Variants in ATAD2 observed in about 807,000 individuals in gnomAD.
ATAD2 encodes the protein ATPase family AAA domain-containing protein 2.
ATAD2 carries 62 observed loss-of-function variants against 168.9 expected under a neutral mutation model. The ratio of observed to expected loss-of-function variants is 0.37; its 90% CI spans 0.30 to 0.45. ATAD2 has a LOEUF of 0.45. Ranked by LOEUF, ATAD2 falls within the 20% of genes least tolerant of loss-of-function variation. ATAD2 has a pLI of 1.00. For missense variants in ATAD2, 1,419 were observed against 1,667.8 expected, an observed-to-expected ratio of 0.85 and a Z score of 2.60; for synonymous variants, 613 against 571.6, an observed-to-expected ratio of 1.07 and a Z score of -1.03.
intron 15 of ATAD2, 63 bp from the exon 16 acceptor site, chr8:123,347,469 AT>A: frequency 7.1e-7 from 1 of 1,412,670 alleles, no homozygotes; most frequent in Non-Finnish European, 9.6e-7. Context: ...ACAAAACTCT[AT>A]TAGCATGACC....
At position 123,344,979 on chromosome 8, in the gene ATAD2, C is replaced by G; in HGVS notation, c.2623G>C (p.Ala875Pro). The change falls in exon 19 of 28, where the codon GCC (alanine) becomes CCC (proline). Residue 875 changes from alanine (A) to proline (P), a missense_variant. Coordinates refer to ENST00000287394, the MANE Select transcript of ATAD2 (RefSeq NM_014109.4). ...TTCTGTAATAATGTGGTAAATGTGG[C>G]TTTAAGTGTCGGTCCAACTATTTCC... is the stretch of plus-strand genomic sequence containing the variant. ...WWEIVGPTLKATFTTLLQNIP... is the reference protein window; with the variant it reads ...WWEIVGPTLKPTFTTLLQNIP... The G allele has an allele frequency of 6.2e-7, 1 of 1,613,986 alleles. No homozygotes were observed. The highest frequency in any genetic ancestry group is 8.5e-7 in the Non-Finnish European group (1 of 1,179,864).
intron 20 of ATAD2, among the ~76,000 whole-genome samples, chr8:123,338,544 G>GA (rs907909574): frequency 2.6e-5 from 4 of 151,962 alleles, no homozygotes; most frequent in Non-Finnish European, 5.9e-5. Flanking sequence ...TACTCAGGAT[G>GA]AAAAAAAGGA....
chr8:123,351,472 G>T (rs891897450), intron 13 of ATAD2, among the ~76,000 whole-genome samples: 1 of 151,552 alleles, frequency 6.6e-6, no homozygotes, highest in Non-Finnish European at 1.5e-5. Context: ...ATCATCCCTG[G>T]TTAAAAAACG....
At chr8:123,346,584 A>G (rs1726412677) in intron 17 of ATAD2, 34 bp downstream of exon 17, 2 of 1,483,842 alleles carry the variant, frequency 1.3e-6, no homozygotes, top group Non-Finnish European at 1.8e-6. Flanking sequence ...AAATTTACAC[A>G]TGCAAAAAAC....
intron 24 of ATAD2, among the ~76,000 whole-genome samples, chr8:123,332,639 T>G (rs1827804480): frequency 6.6e-6 from 1 of 152,218 alleles, no homozygotes; most frequent in African/African-American, 2.4e-5. Context: ...ATAATTCATA[T>G]CTTTCCATTC....
At chr8:123,379,351 A>C (rs1055990207) in intron 2 of ATAD2, among the ~76,000 whole-genome samples, 1 of 152,176 alleles carries the variant, frequency 6.6e-6, no homozygotes, top group Non-Finnish European at 1.5e-5. Flanking sequence ...TATAGCAAGC[A>C]ATCAGAAACA....
chr8:123,358,497 A>G (rs1284947403), intron 11 of ATAD2, among the ~76,000 whole-genome samples: 2 of 151,898 alleles, frequency 1.3e-5, no homozygotes. Flanking sequence ...GGTGCCCGCC[A>G]CCATGCCTGG....
intron 24 of ATAD2, among the ~76,000 whole-genome samples, chr8:123,328,967 A>G (rs1267589249): frequency 6.6e-6 from 1 of 151,866 alleles, no homozygotes; most frequent in Non-Finnish European, 1.5e-5. Flanking sequence ...ACGCCCAGCT[A>G]ATTTTTTGCA....
chr8:123,372,581 T>A (rs1829180113), intron 3 of ATAD2, 56 bp downstream of exon 3: 3 of 1,368,652 alleles, frequency 2.2e-6, no homozygotes, highest in Middle Eastern at 1.9e-4. Context: ...AAAAAACCTG[T>A]AAACAGAATA....
intron 8 of ATAD2, among the ~76,000 whole-genome samples, chr8:123,362,746 T>C (rs554958327): frequency 1.3e-5 from 2 of 152,074 alleles, no homozygotes; most frequent in African/African-American, 4.8e-5. Flanking sequence ...AAGAAGGACA[T>C]GAGATTTTAT....
At chr8:123,379,345 G>A (rs1829419784) in intron 2 of ATAD2, among the ~76,000 whole-genome samples, 1 of 152,066 alleles carries the variant, frequency 6.6e-6, no homozygotes, top group South Asian at 2.1e-4. Flanking sequence ...AAACTTTATA[G>A]CAAGCAATCA....
At position 123,416,337 on chromosome 8, in the gene ATAD2, C is replaced by G. The variant is rs892855852; in HGVS notation, c.-2371G>C. 4.1e-4 allele frequency: 63 copies of G among 154,760 alleles called. 1 individual carries two copies. The highest frequency in any genetic ancestry group is 7.4e-4 in the Non-Finnish European group (51 of 69,372). 9.6% of individuals were successfully genotyped at this position (154,760 alleles called of 1,614,324 possible). A position where few individuals can be genotyped will look rare whatever the true frequency, so the allele number is the denominator to read the frequency against. ...GCAAAGCGCCATTCAGGGCCCAACT[C>G]CAAGCCCAAACCTAGCTCCTCCCCA... On this transcript the variant is annotated 5_prime_UTR_variant, in exon 1 of 29. Transcript: ENST00000521903.
At chr8:123,383,413 G>A (rs1465680194) in intron 1 of ATAD2, among the ~76,000 whole-genome samples, 3 of 151,934 alleles carry the variant, frequency 2.0e-5, no homozygotes, top group South Asian at 4.1e-4. Flanking sequence ...TTTCACTATT[G>A]CAGACACTTC....
chr8:123,362,652 G>A (rs1477499420), intron 8 of ATAD2, among the ~76,000 whole-genome samples: 1 of 151,622 alleles, frequency 6.6e-6, no homozygotes, highest in African/African-American at 2.4e-5. Context: ...TCCTGACCTT[G>A]TGATCCGCCC....
intron 7 of ATAD2, 149 bp from the exon 8 acceptor site, chr8:123,369,324 A>G: frequency 4.1e-6 from 1 of 241,694 alleles, no homozygotes; most frequent in Admixed American, 5.3e-5. Context: ...ACTATGGAAT[A>G]TTTTGCTGTT....
Position 123,319,949 on chromosome 8 carries a change from A to C in ATAD2, c.*1185T>G, listed in dbSNP as rs1044583560. The C allele has an allele frequency of 2.0e-5, 3 of 152,236 alleles. No homozygotes were observed. Among genetic ancestry groups the C allele is most frequent in the Non-Finnish European group, 4.4e-5 (3 of 68,040 alleles). The allele number at this position is 152,236 out of a possible 1,614,324, so 9.4% of individuals were successfully genotyped here. A position where few individuals can be genotyped will look rare whatever the true frequency, so the allele number is the denominator to read the frequency against. ...GCATCTAGAAGAATAATTTATAATA[A>C]ACCAACAAAAATGAGAATGTGTATC... is the stretch of plus-strand genomic sequence containing the variant. On this transcript the variant is annotated 3_prime_UTR_variant, in exon 28 of 28. Coordinates refer to ENST00000287394, the MANE Select transcript of ATAD2 (RefSeq NM_014109.4).
rs1189926582 is a variant in ATAD2, at chr8:123,402,178, A to C, written c.-2281-1003T>G. 1 of 668,508 alleles carries C rather than the reference A, an allele frequency of 1.5e-6. No individual in the cohort carries two copies. Among genetic ancestry groups the C allele is most frequent in the Non-Finnish European group, 2.7e-6 (1 of 366,484 alleles). The allele number at this position is 668,508 out of a possible 1,614,324, so 41.4% of individuals were successfully genotyped here. On this transcript the variant is annotated intron_variant, in intron 1 of 28. Coordinates refer to the ATAD2 transcript ENST00000521903. This position sits in a 1 kb window ranked among gnomAD's most constrained non-coding sequence, Gnocchi z 4.8. Reference sequence around the variant, plus strand: ...CCACCTTCGGGCATAGCCTCCCTCCATCACTGAGTGGTCCACAGATTTGCA... The same window carrying C: ...CCACCTTCGGGCATAGCCTCCCTCCCTCACTGAGTGGTCCACAGATTTGCA...
intron 16 of ATAD2, 49 bp downstream of exon 16, chr8:123,347,043 C>A (rs1162114712): frequency 6.7e-7 from 1 of 1,501,608 alleles, no homozygotes; most frequent in Non-Finnish European, 9.0e-7. Context: ...AAACATTTCA[C>A]TTTACTGATT....
At chr8:123,342,947 T>TA (rs963288995) in intron 19 of ATAD2, among the ~76,000 whole-genome samples, 3 of 152,128 alleles carry the variant, frequency 2.0e-5, no homozygotes, top group Admixed American at 2.0e-4. Context: ...TTCACTACCT[T>TA]ACGTTTTCCA....
Sources: gnomAD v4.1 joint callset for allele counts (sites outside exome capture counted in the v4.1 genomes callset) on GRCh38, gnomAD v4.1.1 for gene constraint, Gnocchi (gnomAD v3.1) non-coding constraint, MANE v1.5 for transcripts, NCBI Gene and HGNC (gene_info 2026-07-23, HGNC 2026-07-21) for gene names.